The following FER variants were observed in gnomAD, a reference collection of about 807,000 sequenced individuals.
FER encodes the protein FER tyrosine kinase.
In FER, 63 loss-of-function variants were observed where a neutral mutation model predicts 111.0. The observed-to-expected ratio is 0.57, with a 90% CI of 0.46 to 0.70. The LOEUF (loss-of-function observed/expected upper bound fraction) is 0.70, where lower values mean the gene tolerates loss of function less well. FER is among the 30% of genes least tolerant of loss of function. FER has a pLI of 0.00. For synonymous variants in FER, 327 were observed against 313.9 expected (o/e 1.04, Z -0.44); for missense variants, 914 against 954.0 (o/e 0.96, Z 0.55).
intron 1 of FER, among the ~76,000 whole-genome samples, chr5:108,765,926 G>A (rs1700776495): frequency 6.6e-6 from 1 of 151,764 alleles, no homozygotes; most frequent in Non-Finnish European, 1.5e-5. Context: ...GTGAAGTCAT[G>A]ACTGAATTTT....
chr5:108,846,777 G>A (rs534067266), intron 5 of FER, among the ~76,000 whole-genome samples: 87 of 151,914 alleles, frequency 5.7e-4, no homozygotes, highest in Admixed American at 4.6e-3. Flanking sequence ...TAGAGACGAG[G>A]TTTCACCATG....
chr5:108,952,476 G>GTA (rs1757895895), intron 11 of FER, among the ~76,000 whole-genome samples: 1 of 148,698 alleles, frequency 6.7e-6, no homozygotes, highest in Non-Finnish European at 1.5e-5. Context: ...GTGTATGTGT[G>GTA]TATATACATG....
intron 18 of FER, among the ~76,000 whole-genome samples, chr5:109,183,635 T>C (rs1013374464): frequency 2.0e-5 from 3 of 152,088 alleles, no homozygotes; most frequent in East Asian, 1.9e-4. Context: ...AAATCTCCCA[T>C]GTAGTATGGG....
At chr5:109,174,832 A>G (rs1227278599) in intron 17 of FER, among the ~76,000 whole-genome samples, 1 of 152,186 alleles carries the variant, frequency 6.6e-6, no homozygotes, top group Non-Finnish European at 1.5e-5. Context: ...AAAGAGAATT[A>G]TTAGCTAAAT....
chr5:109,184,692 G>C (rs976975787), intron 18 of FER, among the ~76,000 whole-genome samples: 1 of 152,148 alleles, frequency 6.6e-6, no homozygotes, highest in African/African-American at 2.4e-5. Context: ...AGGCAGACAA[G>C]AAAATTAATC....
intron 13 of FER, among the ~76,000 whole-genome samples, chr5:108,993,323 G>A (rs931717817): frequency 1.6e-4 from 25 of 152,350 alleles, no homozygotes; most frequent in South Asian, 4.1e-4. Flanking sequence ...GATCACTCGC[G>A]GTTAGGAGCT....
chr5:108,791,534 CAT>C (rs1016052908), intron 2 of FER, among the ~76,000 whole-genome samples: 3 of 147,056 alleles, frequency 2.0e-5, no homozygotes, highest in Non-Finnish European at 4.5e-5. Context: ...AGTTCCTTAT[CAT>C]ATATATATAC....
intron 2 of FER, among the ~76,000 whole-genome samples, chr5:108,770,414 T>A (rs982123205): frequency 6.6e-6 from 1 of 152,234 alleles, no homozygotes; most frequent in African/African-American, 2.4e-5. Flanking sequence ...TCCGAAATCT[T>A]CCCAGACTGT....
chr5:108,966,998 T>TA (rs1421233376), intron 13 of FER, among the ~76,000 whole-genome samples: 1 of 152,144 alleles, frequency 6.6e-6, no homozygotes, highest in Non-Finnish European at 1.5e-5. Context: ...CAAAGCACCT[T>TA]ATGACACATG....
intron 17 of FER, among the ~76,000 whole-genome samples, chr5:109,117,255 A>G (rs1582103288): frequency 6.6e-6 from 1 of 152,174 alleles, no homozygotes; most frequent in Non-Finnish European, 1.5e-5. Context: ...ATTTCTCTGT[A>G]CATTGGATGA....
intron 16 of FER, among the ~76,000 whole-genome samples, chr5:109,068,206 C>T (rs895691551): frequency 5.3e-5 from 8 of 150,366 alleles, no homozygotes; most frequent in South Asian, 2.1e-4. Context: ...TTTTTTGAGA[C>T]GGAGTCTTAC....
At chr5:108,799,875 C>T (rs1171881203) in intron 3 of FER, among the ~76,000 whole-genome samples, 1 of 148,064 alleles carries the variant, frequency 6.8e-6, no homozygotes, top group Non-Finnish European at 1.5e-5. Context: ...TGCAGTCTCA[C>T]TTTCTCGCCC....
chr5:109,091,322 G>C (rs1051453609), intron 16 of FER, among the ~76,000 whole-genome samples: 2 of 152,118 alleles, frequency 1.3e-5, no homozygotes, highest in Non-Finnish European at 2.9e-5. Flanking sequence ...GTGTTCCTTG[G>C]TCACCCCAGA....
At chr5:109,118,327 G>A (rs1750530983) in intron 17 of FER, among the ~76,000 whole-genome samples, 1 of 152,108 alleles carries the variant, frequency 6.6e-6, no homozygotes, top group African/African-American at 2.4e-5. Flanking sequence ...TTCGTATGTT[G>A]AACCAGCCTT....
chr5:109,064,549 G>T (rs1383245701), intron 16 of FER, among the ~76,000 whole-genome samples: 1 of 152,094 alleles, frequency 6.6e-6, no homozygotes, highest in East Asian at 1.9e-4. Context: ...GGAAATGTTG[G>T]TATGTTGTAA....
intron 17 of FER, among the ~76,000 whole-genome samples, chr5:109,156,075 T>A (rs546453963): frequency 6.6e-6 from 1 of 152,170 alleles, no homozygotes; most frequent in East Asian, 1.9e-4. Context: ...GGATTTAGAC[T>A]TTTTAAAATT....
intron 17 of FER, among the ~76,000 whole-genome samples, chr5:109,164,005 T>G (rs1327877984): frequency 6.6e-6 from 1 of 152,186 alleles, no homozygotes; most frequent in Non-Finnish European, 1.5e-5. Context: ...TGCCTATTGT[T>G]GTATTAGTAG....
intron 17 of FER, among the ~76,000 whole-genome samples, chr5:109,178,809 T>G (rs1234297554): frequency 6.6e-6 from 1 of 152,220 alleles, no homozygotes; most frequent in East Asian, 1.9e-4. Context: ...CCATATACAT[T>G]TTAGACTCCA....
intron 9 of FER, among the ~76,000 whole-genome samples, chr5:108,888,929 A>T (rs1307379434): frequency 6.6e-6 from 1 of 151,912 alleles, no homozygotes; most frequent in Non-Finnish European, 1.5e-5. Flanking sequence ...AAAAATCAAA[A>T]CCAGGAAATT....
Sources: allele counts gnomAD v4.1 joint callset (sites outside exome capture counted in the v4.1 genomes callset), GRCh38; gene constraint gnomAD v4.1.1; transcripts MANE v1.5; gene names NCBI Gene and HGNC (gene_info 2026-07-23, HGNC 2026-07-21).